KIAA0319: variants seen among roughly 807,000 people sequenced by gnomAD.
KIAA0319 encodes the protein dyslexia-associated protein KIAA0319.
Under a neutral mutation model 108.4 loss-of-function variants are expected in KIAA0319, and 83 were observed. The observed-to-expected ratio is 0.77, with a 90% CI of 0.64 to 0.92. The LOEUF (loss-of-function observed/expected upper bound fraction) is 0.92. Among genes scored for constraint, KIAA0319 ranks in the 40% least tolerant of loss-of-function variants. The pLI is 0.00. For missense variants in KIAA0319, 1,195 were observed against 1,322.4 expected, an observed-to-expected ratio of 0.90 and a Z score of 1.49; for synonymous variants, 484 against 510.4, an observed-to-expected ratio of 0.95 and a Z score of 0.70.
chr6:24,559,629 AAG>A (rs1762821110), intron 16 of KIAA0319, among the ~76,000 whole-genome samples: 2 of 149,608 alleles, frequency 1.3e-5, no homozygotes, highest in South Asian at 2.1e-4. Context: ...AAAAAAAAAA[AAG>A]GAGCAATGTA....
At chr6:24,633,449 G>C (rs536316138) in intron 1 of KIAA0319, among the ~76,000 whole-genome samples, 3 of 152,080 alleles carry the variant, frequency 2.0e-5, no homozygotes, top group Non-Finnish European at 4.4e-5. Flanking sequence ...AATATGTTAC[G>C]TTAACAGAGA....
chr6:24,625,144 G>A (rs1020626754), intron 1 of KIAA0319, among the ~76,000 whole-genome samples: 3 of 152,056 alleles, frequency 2.0e-5, no homozygotes, highest in Non-Finnish European at 4.4e-5. Context: ...CTATAAAATT[G>A]TCTGCCAAAT....
chr6:24,583,470 C>T (rs1766938388), intron 5 of KIAA0319, 134 bp downstream of exon 5: 4 of 679,102 alleles, frequency 5.9e-6, no homozygotes, highest in Non-Finnish European at 1.0e-5. Context: ...ATAATCAAAG[C>T]CTTGTCCTCC....
chr6:24,564,326 G>A lies in KIAA0319; in HGVS notation c.2307C>T (p.Gly769=), dbSNP rs766857346. 1.0e-4 allele frequency: 167 copies of A among 1,614,066 alleles called. No homozygotes were observed. Among genetic ancestry groups the A allele is most frequent in the Non-Finnish European group, 1.4e-4 (166 of 1,180,036 alleles). ...GCTGCAGAGCCACACTGTGGTCAGA[G>A]CCATCGATGACATCCTGCGAAAGAA... is the stretch of plus-strand genomic sequence containing the variant. ...QSPAAGDVID[G]SDHSVALQLT... The change falls in exon 15 of 21, where the codon GGC becomes GGT. Residue 769 remains glycine, a synonymous_variant. Coordinates refer to ENST00000378214, the MANE Select transcript of KIAA0319 (RefSeq NM_014809.4).
chr6:24,569,768 C>A (rs1764418906), intron 12 of KIAA0319, 135 bp downstream of exon 12: 9 of 994,000 alleles, frequency 9.1e-6, no homozygotes, highest in Middle Eastern at 2.2e-4. Flanking sequence ...TAACGCCCAG[C>A]CACTTCTAGA....
Position 24,566,738 on chromosome 6 carries a change from ACTATTATTTT to A in KIAA0319, c.2141_2150del (p.Glu714ValfsTer104). The A allele has an allele frequency of 1.2e-6, 2 of 1,607,070 alleles. No individual in the cohort carries two copies. The highest frequency in any genetic ancestry group is 1.7e-6 in the Non-Finnish European group (2 of 1,177,806). ...TGCCACCAGCCCGGGCTCTGGGAGG[ACTATTATTTT>A]CTAAGTCAAATATAGCAAAATGAAA... On this transcript the variant is annotated frameshift_variant and splice_region_variant, in exon 14 of 21. Transcript: ENST00000378214. LOFTEE classifies it high-confidence loss of function.
chr6:24,579,766 A>AT (rs1766184833), intron 8 of KIAA0319, 92 bp downstream of exon 8: 1 of 978,014 alleles, frequency 1.0e-6, no homozygotes, highest in South Asian at 1.6e-5. Flanking sequence ...GTAACAGCCC[A>AT]TAAGTCCTCC....
intron 1 of KIAA0319, among the ~76,000 whole-genome samples, chr6:24,605,808 C>G (rs16889511): frequency 0.24 from 35,860 of 151,982 alleles, 4,648 homozygotes; most frequent in African/African-American, 0.34. Context: ...TTTTTCTAAA[C>G]TGAACACATC....
At chr6:24,639,705 A>C (rs1776671476) in intron 1 of KIAA0319, among the ~76,000 whole-genome samples, 1 of 152,022 alleles carries the variant, frequency 6.6e-6, no homozygotes, top group African/African-American at 2.4e-5. Context: ...AAAATTAGCC[A>C]GGTGTGGTGG....
At chr6:24,598,117 T>G in intron 2 of KIAA0319, 1 of 442,506 alleles carries the variant, frequency 2.3e-6, no homozygotes, top group Admixed American at 2.7e-5. Flanking sequence ...CATCAGCTCC[T>G]TGAGCTTCTC....
intron 1 of KIAA0319, among the ~76,000 whole-genome samples, chr6:24,612,647 A>C (rs1772503825): frequency 6.6e-6 from 1 of 152,220 alleles, no homozygotes; most frequent in South Asian, 2.1e-4. Context: ...AGAATGGTAT[A>C]TACAGTACTC....
At chr6:24,561,305 T>C (rs1014398797) in intron 16 of KIAA0319, among the ~76,000 whole-genome samples, 3 of 152,250 alleles carry the variant, frequency 2.0e-5, no homozygotes, top group Admixed American at 1.3e-4. Context: ...TGGAAGTTTG[T>C]GAAGGACTGT....
intron 1 of KIAA0319, among the ~76,000 whole-genome samples, chr6:24,603,131 T>TA (rs1491094196): frequency 6.6e-6 from 1 of 152,252 alleles, no homozygotes; most frequent in African/African-American, 2.4e-5. Context: ...TAATCATGCA[T>TA]TTTATTAAAT....
chr6:24,569,928 C>T lies in KIAA0319; in HGVS notation c.1966G>A (p.Val656Ile). Reference sequence around the variant, plus strand: ...CTGACGTGCTCCCAGTGGTAGAAGACAATGCCGTGGTCATCGCTGCTGCTG... The same window carrying T: ...CTGACGTGCTCCCAGTGGTAGAAGATAATGCCGTGGTCATCGCTGCTGCTG... ...GSSSSDDHGIVFYHWEHVRGP... is the reference protein window; with the variant it reads ...GSSSSDDHGIIFYHWEHVRGP... The change falls in exon 12 of 21, where the codon GTC becomes ATC. Residue 656 changes from valine (V) to isoleucine (I), a missense_variant. Coordinates refer to ENST00000378214, the MANE Select transcript of KIAA0319 (RefSeq NM_014809.4). The T allele has an allele frequency of 6.2e-7, 1 of 1,614,176 alleles. No homozygotes were observed. Among genetic ancestry groups the T allele is most frequent in the Non-Finnish European group, 8.5e-7 (1 of 1,179,992 alleles).
At chr6:24,585,898 G>A (rs528471389) in intron 4 of KIAA0319, among the ~76,000 whole-genome samples, 16 of 152,272 alleles carry the variant, frequency 1.1e-4, no homozygotes, top group African/African-American at 3.9e-4. Context: ...AGACCAGGCT[G>A]GCCAACACGG....
Position 24,576,524 on chromosome 6 carries a change from G to A in KIAA0319, c.1578C>T (p.Asp526=). Residue 526 remains aspartate, a synonymous_variant, in exon 10 of 21, where the codon GAC becomes GAT. Transcript: ENST00000378214. The part of the protein sequence containing the change: ...TAALIVNNAV[D]YPPVANAGPN... The stretch of plus-strand genomic sequence containing the variant: ...GTCCTGCATTAGCAACTGGTGGGTA[G>A]TCCACAGCATTGTTCACTATTAGGG... 3.7e-6 allele frequency: 6 copies of A among 1,614,182 alleles called. No individual in the cohort carries two copies. Among genetic ancestry groups the A allele is most frequent in the Non-Finnish European group, 5.1e-6 (6 of 1,180,016 alleles).
At chr6:24,617,644 A>G (rs1773343138) in intron 1 of KIAA0319, among the ~76,000 whole-genome samples, 2 of 152,166 alleles carry the variant, frequency 1.3e-5, no homozygotes, top group African/African-American at 2.4e-5. Flanking sequence ...AGCTCACTCA[A>G]GGTGGGGAGT....
chr6:24,628,770 C>T (rs1315474246), intron 1 of KIAA0319, among the ~76,000 whole-genome samples: 1 of 152,088 alleles, frequency 6.6e-6, no homozygotes, highest in Non-Finnish European at 1.5e-5. Context: ...CCTCGGCGTT[C>T]CTTTGCTTGC....
chr6:24,570,123 A>G (rs1764483053), intron 11 of KIAA0319, 88 bp from the exon 12 acceptor site: 15 of 1,287,988 alleles, frequency 1.2e-5, no homozygotes, highest in South Asian at 5.5e-5. Flanking sequence ...TACATTACTC[A>G]TCTTCAGACC....
Sources: allele counts gnomAD v4.1 joint callset (sites outside exome capture counted in the v4.1 genomes callset), GRCh38; gene constraint gnomAD v4.1.1; transcripts MANE v1.5; gene names NCBI Gene and HGNC (gene_info 2026-07-23, HGNC 2026-07-21).